Variants in SPIDR observed in about 807,000 individuals in gnomAD.
SPIDR encodes the protein scaffold protein involved in DNA repair, also known as DNA repair-scaffolding protein.
SPIDR carries 93 observed loss-of-function variants against 104.6 expected under a neutral mutation model. The observed-to-expected ratio is 0.89, with a 90% CI of 0.75 to 1.06. SPIDR has a LOEUF of 1.06. Ranked by LOEUF, SPIDR falls within the 50% of genes least tolerant of loss-of-function variation. The pLI, the probability that SPIDR is intolerant of heterozygous loss-of-function variation, is 0.00. For missense variants in SPIDR, 1,154 were observed against 1,111.2 expected (o/e 1.04, Z -0.55); for synonymous variants, 431 against 416.9 (o/e 1.03, Z -0.41).
At chr8:47,478,319 G>A (rs1050386022) in intron 8 of SPIDR, among the ~76,000 whole-genome samples, 4 of 152,148 alleles carry the variant, frequency 2.6e-5, no homozygotes, top group Admixed American at 1.3e-4. Flanking sequence ...CAGCAAGAAG[G>A]GACAGACTTC....
intron 5 of SPIDR, among the ~76,000 whole-genome samples, chr8:47,365,662 T>A (rs1316849030): frequency 1.3e-5 from 2 of 152,220 alleles, no homozygotes; most frequent in African/African-American, 4.8e-5. Flanking sequence ...TACTCCTGTT[T>A]TAAGAGTTTT....
chr8:47,341,612 T>C (rs976699082), intron 5 of SPIDR, among the ~76,000 whole-genome samples: 2 of 152,008 alleles, frequency 1.3e-5, no homozygotes, highest in Admixed American at 6.6e-5. Flanking sequence ...AACAGAACTT[T>C]TTTTTCCCTA....
chr8:47,351,213 A>C (rs2154281410), intron 5 of SPIDR, among the ~76,000 whole-genome samples: 1 of 152,354 alleles, frequency 6.6e-6, no homozygotes, highest in East Asian at 1.9e-4. Flanking sequence ...TTTATAAATT[A>C]AGCTTCATCA....
intron 8 of SPIDR, chr8:47,511,649 C>T: frequency 1.2e-6 from 1 of 804,652 alleles, no homozygotes; most frequent in East Asian, 2.4e-5. Flanking sequence ...GCCACATAAG[C>T]AGACTCTTCC....
rs537082470 is a variant in SPIDR, at chr8:47,462,993, A to G, written c.1097+22451A>G. Among the ~76,000 whole-genome samples the G allele has an allele frequency of 8.5e-5, 13 of 152,350 alleles. No individual in the cohort carries two copies. The East Asian group carries it at 9.6e-4, about 11-fold the overall frequency. ...ACAATTTTCTACAAAAACAGTGTGC[A>G]AGAACTGACTCATGAAGAAATAAAA... On this transcript the variant is annotated intron_variant, in intron 8 of 19. Transcript: ENST00000297423.
chr8:47,292,684 TAAAAGTTTTGTGACCAC>T (rs1279709983), intron 4 of SPIDR, among the ~76,000 whole-genome samples: 4 of 152,218 alleles, frequency 2.6e-5, no homozygotes, highest in African/African-American at 9.6e-5. Flanking sequence ...TCCTGCTTTT[TAAAAGTTTTGTGACCAC>T]AAAAGTTTTG....
intron 10 of SPIDR, among the ~76,000 whole-genome samples, chr8:47,609,257 T>A (rs1220751889): frequency 6.6e-6 from 1 of 152,228 alleles, no homozygotes. Context: ...AGGTCCAATT[T>A]GTCATTTTTG....
chr8:47,696,624 A>G (rs925881054), intron 11 of SPIDR, among the ~76,000 whole-genome samples: 2 of 152,186 alleles, frequency 1.3e-5, no homozygotes, highest in African/African-American at 4.8e-5. Flanking sequence ...TGCAGAAGGC[A>G]CTTATCACAG....
chr8:47,590,718 A>G (rs1415880684), intron 8 of SPIDR, among the ~76,000 whole-genome samples: 1 of 152,112 alleles, frequency 6.6e-6, no homozygotes, highest in Non-Finnish European at 1.5e-5. Context: ...TATTCTCTCT[A>G]GTTCTATCAA....
At chr8:47,506,437 G>A (rs1305051477) in intron 8 of SPIDR, among the ~76,000 whole-genome samples, 2 of 152,144 alleles carry the variant, frequency 1.3e-5, no homozygotes, top group Non-Finnish European at 2.9e-5. Flanking sequence ...TTCTCAGGGT[G>A]ATCGTTCTTT....
At chr8:47,514,541 A>G (rs914353412) in intron 8 of SPIDR, among the ~76,000 whole-genome samples, 1 of 152,224 alleles carries the variant, frequency 6.6e-6, no homozygotes, top group African/African-American at 2.4e-5. Flanking sequence ...CTAAAGAAAC[A>G]GTGAGGCATA....
intron 5 of SPIDR, among the ~76,000 whole-genome samples, chr8:47,321,142 G>A (rs1479003463): frequency 6.6e-6 from 1 of 152,154 alleles, no homozygotes; most frequent in Non-Finnish European, 1.5e-5. Context: ...TAGGAAAAGA[G>A]GAAGTCAAAT....
chr8:47,408,570 A>C (rs1483131291), intron 7 of SPIDR, among the ~76,000 whole-genome samples: 3 of 152,226 alleles, frequency 2.0e-5, no homozygotes, highest in African/African-American at 7.2e-5. Context: ...CCACCATTGC[A>C]GTCTCTGCTT....
At chr8:47,469,039 A>G (rs782287987) in intron 8 of SPIDR, among the ~76,000 whole-genome samples, 3 of 152,204 alleles carry the variant, frequency 2.0e-5, no homozygotes, top group Non-Finnish European at 2.9e-5. Flanking sequence ...AATGACATGA[A>G]CAGACACTTT....
intron 5 of SPIDR, among the ~76,000 whole-genome samples, chr8:47,330,284 G>A (rs1418167254): frequency 1.3e-5 from 2 of 151,714 alleles, no homozygotes; most frequent in Non-Finnish European, 2.9e-5. Flanking sequence ...CCCCACATAT[G>A]CATAGCTTTC....
intron 8 of SPIDR, among the ~76,000 whole-genome samples, chr8:47,468,090 G>A (rs116258006): frequency 3.3e-5 from 5 of 151,802 alleles, no homozygotes; most frequent in African/African-American, 1.2e-4. Context: ...AATCAGGAAT[G>A]CAATCCCAAT....
At chr8:47,290,800 A>G (rs966224430) in intron 3 of SPIDR, among the ~76,000 whole-genome samples, 1 of 152,026 alleles carries the variant, frequency 6.6e-6, no homozygotes, top group Non-Finnish European at 1.5e-5. Context: ...CTTTTTTTGT[A>G]TAACTTAACC....
At chr8:47,296,730 G>T (rs1005347781) in intron 5 of SPIDR, among the ~76,000 whole-genome samples, 17 of 152,074 alleles carry the variant, frequency 1.1e-4, no homozygotes, top group African/African-American at 3.4e-4. Flanking sequence ...GCCATTTGGG[G>T]TTTTTTGTGG....
intron 10 of SPIDR, among the ~76,000 whole-genome samples, chr8:47,636,556 C>T (rs904286140): frequency 1.3e-5 from 2 of 152,184 alleles, no homozygotes; most frequent in Admixed American, 1.3e-4. Flanking sequence ...CGCGGTGGCT[C>T]ATGCCTGTAA....
Sources: allele counts gnomAD v4.1 joint callset (sites outside exome capture counted in the v4.1 genomes callset), GRCh38; gene constraint gnomAD v4.1.1; transcripts MANE v1.5; gene names NCBI Gene and HGNC (gene_info 2026-07-23, HGNC 2026-07-21).